The following LINGO2 variants were observed in gnomAD, a reference collection of about 807,000 sequenced individuals.
The protein encoded by LINGO2 is leucine-rich repeat and immunoglobulin-like domain-containing nogo receptor-interacting protein 2.
LINGO2 carries 14 observed loss-of-function variants against 30.6 expected under a neutral mutation model. The observed-to-expected ratio is 0.46, with a 90% CI of 0.30 to 0.72. LINGO2 has a LOEUF of 0.72. Among genes scored for constraint, LINGO2 ranks in the 30% least tolerant of loss-of-function variants. LINGO2 has a pLI of 0.07. For missense variants in LINGO2, 729 were observed against 751.7 expected (o/e 0.97, Z 0.35); for synonymous variants, 317 against 288.5 (o/e 1.10, Z -1.00).
At chr9:28,078,560 T>C (rs903481960) in intron 4 of LINGO2, among the ~76,000 whole-genome samples, 2 of 148,618 alleles carry the variant, frequency 1.3e-5, no homozygotes, top group Non-Finnish European at 2.9e-5. Flanking sequence ...GGTTAAGATC[T>C]CTAGACTCTG....
chr9:28,883,628 G>GTATATATATATATATATATATATA, the LINGO2 span, among the ~76,000 whole-genome samples: 1 of 64,178 alleles, frequency 1.6e-5, no homozygotes, highest in Non-Finnish European at 3.0e-5. Context: ...ATGTGTGTGT[G>GTATATATATATATATATATATATA]TATATATATA....
chr9:28,065,389 G>T (rs1321836032), intron 4 of LINGO2, among the ~76,000 whole-genome samples: 2 of 151,544 alleles, frequency 1.3e-5, no homozygotes, highest in Non-Finnish European at 2.9e-5. Context: ...GACCTACAAA[G>T]AGGCCATTGT....
intron 1 of LINGO2, among the ~76,000 whole-genome samples, chr9:28,506,503 G>GATAGGT (rs1380029523): frequency 1.2e-5 from 1 of 83,112 alleles, no homozygotes; most frequent in Non-Finnish European, 2.3e-5. Flanking sequence ...CACACACACA[G>GATAGGT]ACATATATAT....
the LINGO2 span, among the ~76,000 whole-genome samples, chr9:28,688,721 T>A: frequency 1.3e-5 from 2 of 152,198 alleles, no homozygotes; most frequent in Admixed American, 1.3e-4. Context: ...ATGTGTAAAC[T>A]ACTAAGCAAG....
intron 1 of LINGO2, among the ~76,000 whole-genome samples, chr9:28,634,299 A>G (rs1004784546): frequency 5.3e-5 from 8 of 152,062 alleles, no homozygotes; most frequent in Admixed American, 2.6e-4. Context: ...GTAACTATCT[A>G]ATGAGCATTT....
chr9:28,664,401 CT>C (rs2136020732), intron 1 of LINGO2, among the ~76,000 whole-genome samples: 1 of 152,138 alleles, frequency 6.6e-6, no homozygotes, highest in South Asian at 2.1e-4. Context: ...CCTGAGAGAC[CT>C]CTACTACTCA....
At chr9:28,389,143 C>T (rs550473457) in intron 2 of LINGO2, among the ~76,000 whole-genome samples, 2 of 152,260 alleles carry the variant, frequency 1.3e-5, no homozygotes, top group South Asian at 4.2e-4. Flanking sequence ...CTTAGATGCT[C>T]ACATTAAACC....
At chr9:28,228,182 T>C (rs949526457) in intron 4 of LINGO2, among the ~76,000 whole-genome samples, 5 of 152,000 alleles carry the variant, frequency 3.3e-5, no homozygotes, top group Admixed American at 6.6e-5. Flanking sequence ...TTTATAATTA[T>C]CTAGTGTGAA....
At chr9:28,312,525 T>A (rs939290578) in intron 3 of LINGO2, among the ~76,000 whole-genome samples, 1 of 152,108 alleles carries the variant, frequency 6.6e-6, no homozygotes, top group African/African-American at 2.4e-5. Context: ...ATAAGAGGAT[T>A]TCAGTCATAA....
the LINGO2 span, among the ~76,000 whole-genome samples, chr9:29,028,425 G>GA: frequency 1.5e-3 from 102 of 70,268 alleles, 3 homozygotes; most frequent in Non-Finnish European, 2.4e-3. Flanking sequence ...TGTGTGGGGG[G>GA]GGGTGAGAGA....
exon 6 of LINGO2, chr9:27,948,784 T>A: frequency 6.6e-7 from 1 of 1,506,768 alleles, no homozygotes; most frequent in African/African-American, 1.4e-5. Flanking sequence ...TCTAGTAATT[T>A]ACTGTGCCAT....
chr9:28,041,834 A>G (rs983321077), intron 4 of LINGO2, among the ~76,000 whole-genome samples: 3 of 152,136 alleles, frequency 2.0e-5, no homozygotes, highest in South Asian at 2.1e-4. Flanking sequence ...TGTAACTCAA[A>G]AAGTTTATAA....
chr9:28,661,989 C>A (rs1828602475), intron 1 of LINGO2, among the ~76,000 whole-genome samples: 2 of 152,140 alleles, frequency 1.3e-5, no homozygotes, highest in Non-Finnish European at 1.5e-5. Context: ...TGCTCAAACG[C>A]CACACACAGC....
the LINGO2 span, among the ~76,000 whole-genome samples, chr9:28,997,643 G>A: frequency 6.6e-6 from 1 of 152,094 alleles, no homozygotes; most frequent in African/African-American, 2.4e-5. Flanking sequence ...CTAACACAGT[G>A]AGACCCCGTC....
chr9:28,902,883 A>G, the LINGO2 span, among the ~76,000 whole-genome samples: 1 of 151,994 alleles, frequency 6.6e-6, no homozygotes, highest in Non-Finnish European at 1.5e-5. Context: ...AAACAGTTCT[A>G]AGTAGTAAGT....
intron 4 of LINGO2, among the ~76,000 whole-genome samples, chr9:28,088,242 A>T (rs949764152): frequency 2.0e-5 from 3 of 150,470 alleles, no homozygotes; most frequent in Admixed American, 6.7e-5. Context: ...ACACACATAT[A>T]ATGGTTTAGT....
chr9:28,351,089 A>G (rs1286884094), intron 3 of LINGO2, among the ~76,000 whole-genome samples: 2 of 151,872 alleles, frequency 1.3e-5, no homozygotes, highest in East Asian at 3.9e-4. Context: ...AATTAAAAGA[A>G]CTAGAAAAGC....
intron 1 of LINGO2, among the ~76,000 whole-genome samples, chr9:28,539,263 G>A (rs923456206): frequency 9.9e-5 from 15 of 151,968 alleles, no homozygotes; most frequent in Non-Finnish European, 2.1e-4. Flanking sequence ...TTACAGAATG[G>A]TAGATATTTG....
intron 4 of LINGO2, among the ~76,000 whole-genome samples, chr9:28,044,869 T>C (rs909513624): frequency 1.2e-4 from 18 of 152,136 alleles, no homozygotes; most frequent in African/African-American, 4.3e-4. Flanking sequence ...TCCCTTTCTG[T>C]ACTTAGAAAA....
Sources: allele counts gnomAD v4.1 joint callset (sites outside exome capture counted in the v4.1 genomes callset), GRCh38; gene constraint gnomAD v4.1.1; transcripts MANE v1.5; gene names NCBI Gene and HGNC (gene_info 2026-07-23, HGNC 2026-07-21).